Variants in FAT3 observed in about 807,000 individuals in gnomAD.
FAT3 encodes the protein protocadherin Fat 3.
In FAT3, 95 loss-of-function variants were observed where a neutral mutation model predicts 310.2. The ratio of observed to expected loss-of-function variants is 0.31; its 90% CI spans 0.26 to 0.36. The LOEUF (loss-of-function observed/expected upper bound fraction) is 0.36, where lower values mean the gene tolerates loss of function less well. FAT3 is among the 10% of genes least tolerant of loss of function. The probability of loss-of-function intolerance (pLI) is 1.00; values close to 1 mark genes in which losing one functional copy is unlikely to be tolerated. For synonymous variants in FAT3, 2,314 were observed against 2,192.9 expected, an observed-to-expected ratio of 1.06 and a Z score of -1.54; for missense variants, 5,408 against 5,715.6, an observed-to-expected ratio of 0.95 and a Z score of 1.74.
At chr11:92,316,219 C>T (rs1251786796) in intron 1 of FAT3, among the ~76,000 whole-genome samples, 1 of 151,906 alleles carries the variant, frequency 6.6e-6, no homozygotes, top group African/African-American at 2.4e-5. Context: ...GGGGGACCAG[C>T]TTACTTTGGA....
At chr11:92,737,680 C>A (rs907622508) in intron 4 of FAT3, among the ~76,000 whole-genome samples, 3 of 151,900 alleles carry the variant, frequency 2.0e-5, no homozygotes, top group African/African-American at 4.8e-5. Flanking sequence ...TAAAAATAAG[C>A]AGTCAGAATT....
At chr11:92,785,311 T>C (rs1008448735) in intron 7 of FAT3, among the ~76,000 whole-genome samples, 12 of 152,178 alleles carry the variant, frequency 7.9e-5, no homozygotes, top group African/African-American at 2.9e-4. Flanking sequence ...CTAGAGGATT[T>C]TTTTTCTATT....
chr11:92,787,265 A>G (rs888289497), intron 7 of FAT3, among the ~76,000 whole-genome samples: 2 of 151,900 alleles, frequency 1.3e-5, no homozygotes, highest in Non-Finnish European at 2.9e-5. Context: ...AGTAAACCAT[A>G]CATATTTTTA....
chr11:92,640,138 G>A (rs1941906042), intron 3 of FAT3, among the ~76,000 whole-genome samples: 1 of 151,916 alleles, frequency 6.6e-6, no homozygotes, highest in African/African-American at 2.4e-5. Context: ...GTTTAGAGAG[G>A]CTACATCAGG....
At chr11:92,243,966 T>C (rs1224796371) in intron 1 of FAT3, among the ~76,000 whole-genome samples, 1 of 152,144 alleles carries the variant, frequency 6.6e-6, no homozygotes, top group Non-Finnish European at 1.5e-5. Context: ...ATGTCTTTCT[T>C]ATTATTCATT....
chr11:92,250,469 A>T (rs780479440), intron 1 of FAT3, among the ~76,000 whole-genome samples: 1 of 152,150 alleles, frequency 6.6e-6, no homozygotes, highest in Non-Finnish European at 1.5e-5. Flanking sequence ...TTAAATAACA[A>T]GTCAGTCAAC....
chr11:92,330,070 C>T (rs1201048206), intron 1 of FAT3, among the ~76,000 whole-genome samples: 2 of 152,016 alleles, frequency 1.3e-5, no homozygotes, highest in Admixed American at 6.6e-5. Context: ...AACAGACAAA[C>T]CCAAAAACAG....
In FAT3 at chr11:92,566,202, A is replaced by C. The variant is rs1460293978; in HGVS notation, c.3607+41254A>C. On this transcript the variant is annotated intron_variant, in intron 3 of 27. Coordinates refer to ENST00000525166, the MANE Select transcript of FAT3 (RefSeq NM_001367949.2). Reference sequence around the variant, plus strand: ...CTTCAGCATAGTCTCAGGATACAAAATCAATGTACAAAAATCACAAGCATT... The same window carrying C: ...CTTCAGCATAGTCTCAGGATACAAACTCAATGTACAAAAATCACAAGCATT... 3.9e-5 allele frequency among the ~76,000 whole-genome samples: 6 copies of C among 152,208 alleles called. No individual in the cohort carries two copies. In the South Asian group the frequency reaches 6.2e-4, roughly 16 times the overall value.
chr11:92,418,103 T>C (rs550960285), intron 2 of FAT3, among the ~76,000 whole-genome samples: 1 of 152,132 alleles, frequency 6.6e-6, no homozygotes, highest in African/African-American at 2.4e-5. Context: ...TCAAAATGAG[T>C]TTTTGTATGT....
rs557087732 is a variant in FAT3, at chr11:92,290,979, A to G, written c.-17-61117A>G. ...GAAAGGCTTGAGTTTGCAAATACAT[A>G]TGAGAAGCTAGAAGCCCCTTAGCTG... On this transcript the variant is annotated intron_variant, in intron 1 of 27. Transcript: ENST00000525166. 3.9e-5 allele frequency among the ~76,000 whole-genome samples: 6 copies of G among 152,056 alleles called. No individual in the cohort carries two copies. The East Asian group carries it at 9.7e-4, about 25-fold the overall frequency.
chr11:92,355,183 T>C lies in FAT3; in HGVS notation c.3071T>C (p.Val1024Ala). The C allele has an allele frequency of 6.2e-7, 1 of 1,613,822 alleles. No homozygotes were observed. The stretch of plus-strand genomic sequence containing the variant: ...GGGCGGCCTGTCTCTCTGTCATCTG[T>C]TTCCTTTGTTGAGGTGGAAGTGGTG... ...DKGRPVSLSS[V>A]SFVEVEVVDV... Residue 1024 changes from valine to alanine, a missense_variant, in exon 2 of 28, where the codon GTT becomes GCT. By Grantham distance (64) the Val-to-Ala change is moderately conservative. Around this residue, in one of 5 missense-constraint regions of FAT3, gnomAD observed 4,588 missense variants for 4,809.8 expected, o/e 0.95. Coordinates refer to ENST00000525166, the MANE Select transcript of FAT3 (RefSeq NM_001367949.2).
At chr11:92,290,824 C>T (rs1216026097) in intron 1 of FAT3, among the ~76,000 whole-genome samples, 1 of 151,818 alleles carries the variant, frequency 6.6e-6, no homozygotes, top group Non-Finnish European at 1.5e-5. Context: ...AGAACACTAG[C>T]AGAAGGAGTA....
chr11:92,607,171 G>A (rs1940339840), intron 3 of FAT3, among the ~76,000 whole-genome samples: 1 of 152,150 alleles, frequency 6.6e-6, no homozygotes, highest in African/African-American at 2.4e-5. Context: ...AGTCTTCTAT[G>A]ATGGTTTGAA....
intron 3 of FAT3, among the ~76,000 whole-genome samples, chr11:92,671,207 G>A (rs1029876390): frequency 1.3e-5 from 2 of 151,940 alleles, no homozygotes; most frequent in African/African-American, 4.8e-5. Flanking sequence ...ACCATGCCCA[G>A]CTAATTTTCG....
At chr11:92,299,314 AT>A (rs1313951874) in intron 1 of FAT3, among the ~76,000 whole-genome samples, 3 of 152,142 alleles carry the variant, frequency 2.0e-5, no homozygotes, top group African/African-American at 7.2e-5. Flanking sequence ...GAGTCAGGAA[AT>A]TCACATTATC....
intron 2 of FAT3, among the ~76,000 whole-genome samples, chr11:92,428,601 T>A (rs1950692433): frequency 1.3e-5 from 2 of 152,194 alleles, no homozygotes; most frequent in African/African-American, 4.8e-5. Flanking sequence ...CTCATTGGTT[T>A]CAAAGAGCTT....
chr11:92,232,537 T>G (rs1244953966), intron 1 of FAT3, among the ~76,000 whole-genome samples: 1 of 152,078 alleles, frequency 6.6e-6, no homozygotes, highest in Non-Finnish European at 1.5e-5. Flanking sequence ...ATGGCATGTT[T>G]CACTCATTAA....
intron 2 of FAT3, among the ~76,000 whole-genome samples, chr11:92,496,935 G>A (rs529730839): frequency 1.1e-4 from 16 of 152,086 alleles, no homozygotes; most frequent in Admixed American, 6.6e-4. Context: ...CATGACTCCC[G>A]TGCTATTTCC....
intron 2 of FAT3, among the ~76,000 whole-genome samples, chr11:92,415,850 T>A (rs1445270093): frequency 1.3e-5 from 1 of 77,938 alleles, no homozygotes; most frequent in Non-Finnish European, 2.2e-5. Flanking sequence ...GCATTTTTGC[T>A]TTTTTTTTTT....
Sources: allele counts gnomAD v4.1 joint callset (sites outside exome capture counted in the v4.1 genomes callset), GRCh38; gene constraint gnomAD v4.1.1; regional missense constraint gnomAD v4.1.1; transcripts MANE v1.5; gene names NCBI Gene and HGNC (gene_info 2026-07-23, HGNC 2026-07-21).